Variants in GUK1 observed in about 807,000 individuals in gnomAD.
GUK1 encodes the protein guanylate kinase 1, also known as guanylate kinase.
A neutral mutation model predicts 25.2 loss-of-function variants in GUK1; 18 were observed. The observed-to-expected ratio is 0.71, with a 90% CI of 0.49 to 1.06. GUK1 has a LOEUF of 1.06. Ranked by LOEUF, GUK1 falls within the 50% of genes least tolerant of loss-of-function variation. GUK1 has a pLI of 0.00. For missense variants in GUK1, 261 were observed against 276.7 expected, an observed-to-expected ratio of 0.94 and a Z score of 0.40; for synonymous variants, 105 against 117.6, an observed-to-expected ratio of 0.89 and a Z score of 0.69.
chr1:228,148,807 G>A lies in GUK1; in HGVS notation c.*110G>A, dbSNP rs1283900413. 4 of 1,583,520 alleles carry A rather than the reference G, an allele frequency of 2.5e-6. No individual in the cohort carries two copies. The highest frequency in any genetic ancestry group is 2.7e-5 in the African/African-American group (2 of 74,100). On this transcript the variant is annotated 3_prime_UTR_variant, in exon 9 of 9. Transcript: ENST00000312726. ...AGCTCTGTGCCCTTGGCCAGCATGT[G>A]GAGTGGAGGAGATGCTGCCCCTGTG...
chr1:228,146,487 G>T, intron 4 of GUK1: 1 of 435,982 alleles, frequency 2.3e-6, no homozygotes, highest in East Asian at 4.0e-5. Flanking sequence ...GTGGTCTCCA[G>T]TCACCCCACC....
intron 6 of GUK1, 34 bp downstream of exon 5, chr1:228,147,578 A>G (rs373919363): frequency 3.1e-6 from 5 of 1,612,764 alleles, no homozygotes; most frequent in Non-Finnish European, 3.4e-6. Flanking sequence ...GCTGGGGGCC[A>G]GGGCATGCCA....
intron 4 of GUK1, chr1:228,146,474 C>A: frequency 2.3e-6 from 1 of 437,782 alleles, no homozygotes; most frequent in South Asian, 3.1e-5. Context: ...GCCGTGCAAC[C>A]CAGTGGTCTC....
At chr1:228,141,451 C>A in intron 2 of GUK1, 1 of 309,166 alleles carries the variant, frequency 3.2e-6, no homozygotes, top group Non-Finnish European at 4.8e-6. Flanking sequence ...CCGCCTGGAC[C>A]ACCAGCCTCC....
intron 2 of GUK1, chr1:228,145,220 G>A (rs1205134112): frequency 8.4e-6 from 2 of 238,176 alleles, no homozygotes; most frequent in South Asian, 8.5e-5. Context: ...GGCTGACAGG[G>A]TCAGTGGGTT....
chr1:228,144,094 A>G (rs1249010036), intron 2 of GUK1, among the ~76,000 whole-genome samples: 2 of 151,954 alleles, frequency 1.3e-5, no homozygotes, highest in East Asian at 1.9e-4. Flanking sequence ...TTGTGTGTGC[A>G]TGCATGTGTG....
chr1:228,146,457 G>T (rs1194398391), intron 4 of GUK1: 4 of 408,238 alleles, frequency 9.8e-6, no homozygotes, highest in Admixed American at 7.6e-5. Context: ...CAGCACCCCC[G>T]CCCCTTGCCG....
intron 1 of GUK1, chr1:228,141,094 C>T (rs1231514363): frequency 2.0e-6 from 2 of 980,122 alleles, no homozygotes; most frequent in African/African-American, 3.5e-5. Flanking sequence ...GCTCTGCTGT[C>T]TTTGGGCTCA....
chr1:228,140,264 C>T, upstream of GUK1: 1 of 1,515,264 alleles, frequency 6.6e-7, no homozygotes, highest in African/African-American at 1.4e-5. Flanking sequence ...CGGTGCGGCG[C>T]TGTCACGTAG....
chr1:228,148,587 C>T (rs2034537417), intron 8 of GUK1, 78 bp from the exon 8 acceptor site: 7 of 1,435,248 alleles, frequency 4.9e-6, no homozygotes, highest in Non-Finnish European at 4.8e-6. Flanking sequence ...ACACCGAGGT[C>T]CACGGTGGAG....
chr1:228,148,763 C>T lies in GUK1; in HGVS notation c.*66C>T, dbSNP rs191311683. The T allele has an allele frequency of 6.2e-7, 1 of 1,611,056 alleles. No homozygotes were observed. Among genetic ancestry groups the T allele is most frequent in the Non-Finnish European group, 8.5e-7 (1 of 1,179,372 alleles). On this transcript the variant is annotated 3_prime_UTR_variant, in exon 9 of 9. Transcript: ENST00000312726. ...CCAGGGCAGCAGCATTGAGCCACCC[C>T]CTTGGCAGGCGATACGGCAGCTCTG... is the stretch of plus-strand genomic sequence containing the variant.
intron 2 of GUK1, among the ~76,000 whole-genome samples, chr1:228,143,465 A>G (rs1253460542): frequency 6.6e-6 from 1 of 152,198 alleles, no homozygotes; most frequent in Non-Finnish European, 1.5e-5. Flanking sequence ...CTGTGATCTC[A>G]GTGCTTCAAG....
intron 5 of GUK1, 83 bp from the exon 5 acceptor site, chr1:228,147,323 C>G: frequency 7.4e-7 from 1 of 1,356,100 alleles, no homozygotes; most frequent in South Asian, 1.3e-5. Context: ...GAACGCTGGG[C>G]CCGGGAGGGC....
intron 5 of GUK1, 142 bp downstream of exon 4, chr1:228,147,080 C>T (rs986124011): frequency 2.9e-6 from 2 of 685,266 alleles, no homozygotes; most frequent in South Asian, 3.3e-5. Context: ...GGGCCAGGCT[C>T]CCACGTCTGT....
At position 228,148,372 on chromosome 1, in the gene GUK1, C is replaced by A; in HGVS notation, c.477C>A (p.Ser159Arg). ...CCTGACCCCAGGCCCCACCCACAGG[C>A]AAGGAGCCCGGCCTGTTTGATGTGG... The change falls in exon 8 of 9, where the codon AGC becomes AGA. Residue 159 changes from serine (S) to arginine (R), a missense_variant and splice_region_variant. Transcript: ENST00000312726. 1 of 1,556,312 alleles carries A rather than the reference C, an allele frequency of 6.4e-7. No homozygotes were observed. Among genetic ancestry groups the A allele is most frequent in the Non-Finnish European group, 8.7e-7 (1 of 1,145,112 alleles).
At chr1:228,142,148 G>A (rs1169706199) in intron 2 of GUK1, among the ~76,000 whole-genome samples, 2 of 694 alleles carry the variant, frequency 2.9e-3, no homozygotes, top group Non-Finnish European at 0.01. Context: ...CTCCAGCGGT[G>A]GTGGTGTGGC....
chr1:228,145,731 G>C, intron 3 of GUK1, 107 bp downstream of exon 2: 1 of 1,354,444 alleles, frequency 7.4e-7, no homozygotes, highest in Non-Finnish European at 1.0e-6. Flanking sequence ...CACCCACCCT[G>C]CAGACTGTCC....
At chr1:228,147,834 C>A in intron 7 of GUK1, 135 bp downstream of exon 6, 1 of 690,004 alleles carries the variant, frequency 1.4e-6, no homozygotes, top group Non-Finnish European at 2.4e-6. Context: ...GACCTCTCAA[C>A]TACCTCCCAA....
In GUK1 at chr1:228,148,826, C is replaced by G; in HGVS notation, c.*129C>G. On this transcript the variant is annotated 3_prime_UTR_variant, in exon 9 of 9. Transcript: ENST00000312726. ...GCATGTGGAGTGGAGGAGATGCTGCCCCTGTGGTTGGAACATCCTGGGGTG... is the reference window on the plus strand; with the variant it reads ...GCATGTGGAGTGGAGGAGATGCTGCGCCTGTGGTTGGAACATCCTGGGGTG... The G allele has an allele frequency of 2.6e-6, 4 of 1,561,832 alleles. No individual in the cohort carries two copies. The highest frequency in any genetic ancestry group is 3.5e-6 in the Non-Finnish European group (4 of 1,152,684).
Sources: allele counts gnomAD v4.1 joint callset (sites outside exome capture counted in the v4.1 genomes callset), GRCh38; gene constraint gnomAD v4.1.1; transcripts MANE v1.5; gene names NCBI Gene and HGNC (gene_info 2026-07-23, HGNC 2026-07-21).